The following SOS1 variants were observed in gnomAD, a reference collection of about 807,000 sequenced individuals.
SOS1 encodes the protein son of sevenless homolog 1.
A neutral mutation model predicts 157.6 loss-of-function variants in SOS1; 25 were observed. The ratio of observed to expected loss-of-function variants is 0.16; its 90% CI spans 0.12 to 0.22. SOS1 has a LOEUF of 0.22. Among genes scored for constraint, SOS1 ranks in the 10% least tolerant of loss-of-function variants. The pLI is 1.00. For synonymous variants in SOS1, 528 were observed against 534.0 expected, an observed-to-expected ratio of 0.99 and a Z score of 0.16; for missense variants, 1,237 against 1,599.1, an observed-to-expected ratio of 0.77 and a Z score of 3.86.
chr2:39,105,785 A>C (rs574590601), intron 1 of SOS1, among the ~76,000 whole-genome samples: 50 of 152,258 alleles, frequency 3.3e-4, no homozygotes, highest in Middle Eastern at 6.8e-3. Flanking sequence ...CTGTAATCCC[A>C]GCTACTGGGG....
At chr2:39,090,340 G>C (rs1246490363) in intron 1 of SOS1, among the ~76,000 whole-genome samples, 1 of 151,984 alleles carries the variant, frequency 6.6e-6, no homozygotes, top group Admixed American at 6.6e-5. Context: ...GTGGGGGCTG[G>C]GGGCTGGTTG....
chr2:39,036,967 G>A (rs1161836157), intron 6 of SOS1, among the ~76,000 whole-genome samples: 1 of 152,144 alleles, frequency 6.6e-6, no homozygotes, highest in Non-Finnish European at 1.5e-5. Context: ...CACTGCGCCT[G>A]GCCTCAGATT....
intron 17 of SOS1, among the ~76,000 whole-genome samples, chr2:39,006,132 T>C (rs1035165302): frequency 3.9e-5 from 6 of 152,166 alleles, no homozygotes; most frequent in African/African-American, 1.4e-4. Flanking sequence ...CTGCTGTATT[T>C]AGTTTATTAA....
At chr2:39,091,973 T>C (rs953528925) in intron 1 of SOS1, among the ~76,000 whole-genome samples, 5 of 152,198 alleles carry the variant, frequency 3.3e-5, no homozygotes, top group African/African-American at 1.2e-4. Context: ...CTCTTTCTTC[T>C]AAAATAATCA....
At chr2:39,029,813 T>C (rs1670094914) in intron 8 of SOS1, among the ~76,000 whole-genome samples, 1 of 152,198 alleles carries the variant, frequency 6.6e-6, no homozygotes, top group African/African-American at 2.4e-5. Context: ...CGATGGTTTC[T>C]AGATAAGAAT....
chr2:38,997,762 AG>A (rs1668948666), intron 17 of SOS1, among the ~76,000 whole-genome samples: 1 of 152,170 alleles, frequency 6.6e-6, no homozygotes, highest in South Asian at 2.1e-4. Context: ...TAGATTTGTT[AG>A]GAAGAATAAT....
In SOS1 at chr2:39,001,776, A is replaced by G. The variant is rs200982743; in HGVS notation, c.2792-4351T>C. The stretch of plus-strand genomic sequence containing the variant: ...CTTTTAGCTTAAGAATAGCACAGAT[A>G]GGGCACCAAAACTGACCAGGGTCAG... On this transcript the variant is annotated intron_variant, in intron 17 of 22. Coordinates refer to ENST00000402219, the MANE Select transcript of SOS1 (RefSeq NM_005633.4). 1.8e-4 allele frequency among the ~76,000 whole-genome samples: 28 copies of G among 152,322 alleles called. No individual in the cohort carries two copies. The East Asian group carries it at 2.9e-3, about 16-fold the overall frequency.
chr2:39,066,449 T>A (rs1283375253), intron 2 of SOS1, among the ~76,000 whole-genome samples: 1 of 152,212 alleles, frequency 6.6e-6, no homozygotes, highest in Non-Finnish European at 1.5e-5. Context: ...TCTAGCTGTA[T>A]CTCCCATTTT....
At chr2:39,067,913 G>A (rs371597559) in intron 1 of SOS1, among the ~76,000 whole-genome samples, 160 bp from the exon 2 acceptor site, 4 of 152,316 alleles carry the variant, frequency 2.6e-5, no homozygotes, top group African/African-American at 9.6e-5. Context: ...GAGGTCAGGA[G>A]TTTGAGACCA....
chr2:39,058,702 G>C lies in SOS1; in HGVS notation c.316C>G (p.Pro106Ala). ...KRKRRNPLSLPVEKIHPLLKE... is the reference protein window; with the variant it reads ...KRKRRNPLSLAVEKIHPLLKE... ...AATAAAGGATGAATTTTTTCTACTG[G>C]GAGAGATAAAGGGTTTCTTCGCTTC... Residue 106 changes from proline to alanine, a missense_variant, in exon 3 of 23, where the codon CCA becomes GCA. Around this residue, in one of 15 missense-constraint regions of SOS1, gnomAD observed 37 missense variants for 38.5 expected, o/e 0.96. Transcript: ENST00000402219. 6.2e-7 allele frequency: 1 copy of C among 1,612,852 alleles called. No individual in the cohort carries two copies. Among genetic ancestry groups the C allele is most frequent in the Non-Finnish European group, 8.5e-7 (1 of 1,179,170 alleles).
At chr2:39,024,565 A>G (rs1016331066) in intron 8 of SOS1, among the ~76,000 whole-genome samples, 1 of 152,086 alleles carries the variant, frequency 6.6e-6, no homozygotes, top group Non-Finnish European at 1.5e-5. Flanking sequence ...ATGATAAGGA[A>G]GATAAATATA....
chr2:39,096,479 T>C (rs1461441136), intron 1 of SOS1, among the ~76,000 whole-genome samples: 2 of 152,212 alleles, frequency 1.3e-5, no homozygotes, highest in African/African-American at 4.8e-5. Flanking sequence ...ATTACTTTGG[T>C]GTAAAATAAT....
At chr2:39,037,471 TCA>T (rs913490394) in intron 6 of SOS1, among the ~76,000 whole-genome samples, 2 of 152,220 alleles carry the variant, frequency 1.3e-5, no homozygotes, top group African/African-American at 4.8e-5. Flanking sequence ...TATGAATATA[TCA>T]GTTTTCTCTA....
intron 1 of SOS1, among the ~76,000 whole-genome samples, chr2:39,072,589 T>C (rs1671827653): frequency 6.6e-6 from 1 of 152,214 alleles, no homozygotes; most frequent in South Asian, 2.1e-4. Context: ...CTGCTTATAA[T>C]TCTAGCACAT....
intron 1 of SOS1, among the ~76,000 whole-genome samples, chr2:39,119,152 G>C (rs1409642613): frequency 6.6e-6 from 1 of 152,156 alleles, no homozygotes; most frequent in South Asian, 2.1e-4. Context: ...AGAGCCTGAA[G>C]GGATTTCTAA....
chr2:39,010,473 G>A (rs1030600929), intron 15 of SOS1, 111 bp downstream of exon 15: 2 of 972,558 alleles, frequency 2.1e-6, no homozygotes, highest in African/African-American at 1.6e-5. Flanking sequence ...CTGCACTCCA[G>A]CCTATGTGAC....
upstream of SOS1, among the ~76,000 whole-genome samples, chr2:39,122,445 T>TACACAC (rs1353516539): frequency 7.0e-5 from 2 of 28,762 alleles, no homozygotes; most frequent in African/African-American, 3.4e-4. Flanking sequence ...CAAAAAAAAA[T>TACACAC]ATACACACAC....
At position 39,120,508 on chromosome 2, in the gene SOS1, A is replaced by G; in HGVS notation, c.-86T>C. On this transcript the variant is annotated 5_prime_UTR_variant, in exon 1 of 23. Transcript: ENST00000402219. Reference sequence around the variant, plus strand: ...CGAGAGGGCGAGCTCGCAGCGCGGAACAGGGCCGCGGCCCCACCGGACGGC... The same window carrying G: ...CGAGAGGGCGAGCTCGCAGCGCGGAGCAGGGCCGCGGCCCCACCGGACGGC... 1.6e-6 allele frequency: 2 copies of G among 1,224,314 alleles called. No homozygotes were observed. Among genetic ancestry groups the G allele is most frequent in the Non-Finnish European group, 2.0e-6 (2 of 980,980 alleles). 75.8% of individuals were successfully genotyped at this position (1,224,314 alleles called of 1,614,324 possible).
At chr2:39,035,117 G>A in intron 8 of SOS1, 95 bp downstream of exon 8, 1 of 777,460 alleles carries the variant, frequency 1.3e-6, no homozygotes, top group Non-Finnish European at 2.2e-6. Flanking sequence ...ACACACTAAT[G>A]TGCAGGGTAC....
Sources: allele counts gnomAD v4.1 joint callset (sites outside exome capture counted in the v4.1 genomes callset), GRCh38; gene constraint gnomAD v4.1.1; regional missense constraint gnomAD v4.1.1; transcripts MANE v1.5; gene names NCBI Gene and HGNC (gene_info 2026-07-23, HGNC 2026-07-21).